Variants in ZNF827 observed in about 807,000 individuals in gnomAD.
ZNF827 encodes zinc finger protein 827.
ZNF827 carries 13 observed loss-of-function variants against 102.4 expected under a neutral mutation model. The observed-to-expected ratio is 0.13, with a 90% CI of 0.08 to 0.20. The LOEUF (loss-of-function observed/expected upper bound fraction) is 0.20. Among genes scored for constraint, ZNF827 ranks in the 10% least tolerant of loss-of-function variants. The probability of loss-of-function intolerance (pLI) is 1.00; values close to 1 mark genes in which losing one functional copy is unlikely to be tolerated. For synonymous variants in ZNF827, 523 were observed against 536.2 expected (o/e 0.98, Z 0.34); for missense variants, 1,103 against 1,344.4 (o/e 0.82, Z 2.81).
At position 145,924,379 on chromosome 4, in the gene ZNF827, T is replaced by A. The variant is rs73852229; in HGVS notation, c.43+13986A>T. 8.4e-3 allele frequency among the ~76,000 whole-genome samples: 1,284 copies of A among 152,340 alleles called. 23 individuals carry two copies. The highest frequency in any genetic ancestry group is 0.029 in the African/African-American group (1,194 of 41,568). Reference sequence around the variant, plus strand: ...GTCACTATGCTTTTCATTATATATGTATAGATGTTAGATATACTATTTTTT... The same window carrying A: ...GTCACTATGCTTTTCATTATATATGAATAGATGTTAGATATACTATTTTTT... On this transcript the variant is annotated intron_variant, in intron 1 of 14. Transcript: ENST00000508784.
chr4:145,838,455 C>T (rs10004823), intron 7 of ZNF827, among the ~76,000 whole-genome samples: 83,854 of 152,032 alleles, frequency 0.55, 23,369 homozygotes, highest in East Asian at 0.71. Context: ...ACAGCCATGT[C>T]GCTCACACAA....
rs1385440382 is a variant in ZNF827, at chr4:145,892,405, C to T, written c.1104G>A (p.Glu368=). 1 of 1,613,308 alleles carries T rather than the reference C, an allele frequency of 6.2e-7. No individual in the cohort carries two copies. Among genetic ancestry groups the T allele is most frequent in the African/African-American group, 1.3e-5 (1 of 74,920 alleles). ...GACACTGGAAAGGCTTTCCACTTTC[C>T]TCTTCTGAGGCTTGGAAGAAGGAGA... ...VSKPSNSASE[E]ESGKPFQCPI... Residue 368 remains glutamate, a synonymous_variant, in exon 3 of 15, where the codon GAG becomes GAA. Coordinates refer to ENST00000508784, the MANE Select transcript of ZNF827 (RefSeq NM_001306215.2).
At chr4:145,861,697 A>C (rs541739427) in intron 5 of ZNF827, among the ~76,000 whole-genome samples, 2 of 152,150 alleles carry the variant, frequency 1.3e-5, no homozygotes, top group East Asian at 3.9e-4. Flanking sequence ...CCCCCACCCC[A>C]GATCCACCAC....
At chr4:145,908,779 T>A (rs1752066682) in intron 1 of ZNF827, among the ~76,000 whole-genome samples, 2 of 152,176 alleles carry the variant, frequency 1.3e-5, no homozygotes, top group Non-Finnish European at 2.9e-5. Context: ...CATAAAAGTT[T>A]CTAATCAACA....
At chr4:145,887,308 G>A (rs1207094427) in intron 3 of ZNF827, among the ~76,000 whole-genome samples, 2 of 152,072 alleles carry the variant, frequency 1.3e-5, no homozygotes, top group Non-Finnish European at 1.5e-5. Context: ...GGCCCCTCTC[G>A]GTAGGTTTCC....
At chr4:145,877,242 T>C (rs565005078) in intron 4 of ZNF827, among the ~76,000 whole-genome samples, 29 of 152,304 alleles carry the variant, frequency 1.9e-4, no homozygotes, top group African/African-American at 6.7e-4. Context: ...ACTCTCCAGA[T>C]CACAAGCCGG....
chr4:145,899,544 G>A (rs1751247906), intron 2 of ZNF827, among the ~76,000 whole-genome samples: 1 of 152,162 alleles, frequency 6.6e-6, no homozygotes, highest in Non-Finnish European at 1.5e-5. Context: ...AAAAGAGTGA[G>A]GGCATCCCCT....
At position 145,765,572 on chromosome 4, in the gene ZNF827, C is replaced by T; in HGVS notation, c.3027G>A (p.Leu1009=). The T allele has an allele frequency of 1.2e-6, 2 of 1,613,660 alleles. No homozygotes were observed. The highest frequency in any genetic ancestry group is 2.2e-5 in the South Asian group (2 of 90,972). The change falls in exon 12 of 15, where the codon CTG becomes CTA. Residue 1009 remains leucine, a synonymous_variant. Coordinates refer to ENST00000508784, the MANE Select transcript of ZNF827 (RefSeq NM_001306215.2). This position sits in a 1 kb window ranked among gnomAD's most constrained non-coding sequence, Gnocchi z 4.7. The part of the protein sequence containing the change: ...ISVMPGSQPS[L]NSEEKPEKGF... ...CTTTCTCTGGCTTTTCCTCACTGTTCAGTGAGGGCTGGCTCCCAGGCATGA... is the reference window on the plus strand; with the variant it reads ...CTTTCTCTGGCTTTTCCTCACTGTTTAGTGAGGGCTGGCTCCCAGGCATGA...
chr4:145,870,268 G>T lies in ZNF827; in HGVS notation c.1958C>A (p.Ser653Tyr). ...LRRDVSVKAASELLMKLSAES... is the reference protein window; with the variant it reads ...LRRDVSVKAAYELLMKLSAES... Reference sequence around the variant, plus strand: ...ACCTGAGAGTTTCATGAGAAGTTCAGAGGCTGCTTTGACTGACACATCCCG... The same window carrying T: ...ACCTGAGAGTTTCATGAGAAGTTCATAGGCTGCTTTGACTGACACATCCCG... Residue 653 changes from serine (S) to tyrosine (Y), a missense_variant, in exon 5 of 15, where the codon TCT becomes TAT. By Grantham distance (144) the Ser-to-Tyr change is moderately radical. Around this residue, in one of 5 missense-constraint regions of ZNF827, gnomAD observed 243 missense variants for 251.6 expected, o/e 0.97. Transcript: ENST00000508784. 6.2e-7 allele frequency: 1 copy of T among 1,614,064 alleles called. No individual in the cohort carries two copies. The highest frequency in any genetic ancestry group is 8.5e-7 in the Non-Finnish European group (1 of 1,179,956).
chr4:145,849,509 C>G lies in ZNF827; in HGVS notation c.2034G>C (p.Glu678Asp). Residue 678 changes from glutamate (E) to aspartate (D), a missense_variant, in exon 6 of 15, where the codon GAG becomes GAC. Physicochemically the swap from Glu to Asp is conservative, Grantham distance 45. This residue lies in a region of ZNF827 where 243 missense variants were observed against 251.6 expected (regional missense o/e 0.97). Coordinates refer to ENST00000508784, the MANE Select transcript of ZNF827 (RefSeq NM_001306215.2). The part of the protein sequence containing the change: ...QMVKIKEEPM[E>D]VDIQDSHVSI... ...AGACATGGGAGTCCTGGATGTCAAC[C>G]TCCATGGGTTCCTCTTTAATCTTCA... 6.2e-7 allele frequency: 1 copy of G among 1,614,170 alleles called. No individual in the cohort carries two copies. The highest frequency in any genetic ancestry group is 8.5e-7 in the Non-Finnish European group (1 of 1,180,022).
intron 1 of ZNF827, among the ~76,000 whole-genome samples, chr4:145,937,166 G>A (rs1315282406): frequency 6.6e-6 from 1 of 152,076 alleles, no homozygotes. Context: ...GAGAGGGAGT[G>A]GGGGAAAAGT....
intron 3 of ZNF827, among the ~76,000 whole-genome samples, chr4:145,889,933 C>T (rs1750459624): frequency 6.6e-6 from 1 of 150,670 alleles, no homozygotes; most frequent in Admixed American, 6.6e-5. Flanking sequence ...GCCAAGATGG[C>T]GCCACTGCAC....
At chr4:145,792,530 A>G (rs1739848764) in intron 8 of ZNF827, among the ~76,000 whole-genome samples, 1 of 142,690 alleles carries the variant, frequency 7.0e-6, no homozygotes, top group African/African-American at 2.6e-5. Flanking sequence ...GAATAGATAT[A>G]TAATTTTTTT....
intron 8 of ZNF827, among the ~76,000 whole-genome samples, chr4:145,804,044 C>G (rs909197985): frequency 6.6e-6 from 1 of 152,174 alleles, no homozygotes; most frequent in African/African-American, 2.4e-5. Context: ...TCTAAAGTCT[C>G]TTCGGTGGAA....
intron 1 of ZNF827, among the ~76,000 whole-genome samples, chr4:145,937,431 CT>C (rs1754276097): frequency 1.3e-5 from 2 of 151,878 alleles, no homozygotes; most frequent in African/African-American, 4.8e-5. Context: ...GCCAGGAGCC[CT>C]GCTCCTCCCT....
chr4:145,922,556 G>T (rs1483944103), intron 1 of ZNF827, among the ~76,000 whole-genome samples: 2 of 152,176 alleles, frequency 1.3e-5, no homozygotes, highest in African/African-American at 4.8e-5. Context: ...TGTCTTTGAT[G>T]AAGCAGTAAA....
intron 6 of ZNF827, among the ~76,000 whole-genome samples, chr4:145,846,298 GA>G (rs1247224064): frequency 6.6e-6 from 1 of 151,948 alleles, no homozygotes; most frequent in Non-Finnish European, 1.5e-5. Flanking sequence ...CTAACACAGT[GA>G]AACACCGTCT....
chr4:145,814,769 CAAAAAA>C (rs773438540), intron 8 of ZNF827, among the ~76,000 whole-genome samples: 1 of 74,364 alleles, frequency 1.3e-5, no homozygotes, highest in Non-Finnish European at 3.0e-5. Flanking sequence ...ACTAAAAATA[CAAAAAA>C]AAAAAAAAAA....
Position 145,759,879 on chromosome 4 carries a change from C to T in ZNF827, c.*1737G>A, listed in dbSNP as rs1048681027. ...CTTTTTCCTGCAAACAAATGGTAACCACTGAATTAATACATCTCATATATA... is the reference window on the plus strand; with the variant it reads ...CTTTTTCCTGCAAACAAATGGTAACTACTGAATTAATACATCTCATATATA... On this transcript the variant is annotated 3_prime_UTR_variant, in exon 15 of 15. Transcript: ENST00000508784. 1 of 152,066 alleles carries T rather than the reference C, an allele frequency of 6.6e-6. No homozygotes were observed. The highest frequency in any genetic ancestry group is 6.5e-5 in the Admixed American group (1 of 15,270). 9.4% of individuals were successfully genotyped at this position (152,066 alleles called of 1,614,324 possible). A position where few individuals can be genotyped will look rare whatever the true frequency, so the allele number is the denominator to read the frequency against.
Sources: allele counts gnomAD v4.1 joint callset (sites outside exome capture counted in the v4.1 genomes callset), GRCh38; gene constraint gnomAD v4.1.1; regional missense constraint gnomAD v4.1.1; non-coding constraint Gnocchi (gnomAD v3.1); transcripts MANE v1.5; gene names NCBI Gene and HGNC (gene_info 2026-07-23, HGNC 2026-07-21).